Variants in SAMD8 observed in about 807,000 individuals in gnomAD.
SAMD8 encodes the protein sphingomyelin synthase-related protein 1.
In SAMD8, 20 loss-of-function variants were observed where a neutral mutation model predicts 42.0. The observed-to-expected ratio is 0.48, with a 90% CI of 0.34 to 0.69. The LOEUF (loss-of-function observed/expected upper bound fraction) is 0.69, where lower values mean the gene tolerates loss of function less well. Among genes scored for constraint, SAMD8 ranks in the 30% least tolerant of loss-of-function variants. The probability of loss-of-function intolerance (pLI) is 0.01; values close to 1 mark genes in which losing one functional copy is unlikely to be tolerated. For missense variants in SAMD8, 328 were observed against 511.6 expected (o/e 0.64, Z 3.46); for synonymous variants, 162 against 173.0 (o/e 0.94, Z 0.50).
intron 1 of SAMD8, among the ~76,000 whole-genome samples, chr10:75,115,706 C>T (rs368941511): frequency 2.8e-4 from 42 of 151,920 alleles, no homozygotes; most frequent in East Asian, 1.5e-3. Flanking sequence ...TTTGGGAGGC[C>T]GAGGCGGGCG....
chr10:75,120,394 C>T (rs1037194673), intron 1 of SAMD8, among the ~76,000 whole-genome samples: 2 of 152,120 alleles, frequency 1.3e-5, no homozygotes, highest in Non-Finnish European at 2.9e-5. Context: ...GCCTCAGCCT[C>T]CCGTAGCTGG....
intron 1 of SAMD8, among the ~76,000 whole-genome samples, chr10:75,117,957 G>A (rs1427193754): frequency 1.3e-5 from 2 of 152,166 alleles, no homozygotes; most frequent in African/African-American, 4.8e-5. Context: ...ACTCATTGAG[G>A]GGAGACAGTT....
At chr10:75,109,173 C>A, upstream of SAMD8, 1 of 1,557,668 alleles carries the variant, frequency 6.4e-7, no homozygotes, top group Non-Finnish European at 8.7e-7. Flanking sequence ...AGCCCGCCCA[C>A]CCCTCTGCCT....
intron 1 of SAMD8, among the ~76,000 whole-genome samples, chr10:75,117,790 T>C (rs1405091631): frequency 3.3e-5 from 5 of 152,324 alleles, no homozygotes. Context: ...GAATAAAAAT[T>C]AGAATTTTAG....
upstream of SAMD8, chr10:75,109,103 G>C (rs1396774708): frequency 1.2e-6 from 2 of 1,611,908 alleles, no homozygotes. Context: ...AGGATGCTGG[G>C]GCAAGGCGTG....
At chr10:75,136,147 G>C (rs1408292262) in intron 1 of SAMD8, among the ~76,000 whole-genome samples, 1 of 151,592 alleles carries the variant, frequency 6.6e-6, no homozygotes, top group South Asian at 2.1e-4. Context: ...TTGTAGTATG[G>C]TACTTGTCTG....
At chr10:75,131,589 G>T (rs1401924029) in intron 1 of SAMD8, among the ~76,000 whole-genome samples, 1 of 151,948 alleles carries the variant, frequency 6.6e-6, no homozygotes, top group Non-Finnish European at 1.5e-5. Flanking sequence ...AAAAATAACT[G>T]ATCAAATTTA....
rs182259352 is a variant in SAMD8, at chr10:75,114,126, A to G, written c.-16+2404A>G. On this transcript the variant is annotated intron_variant, in intron 1 of 5. Coordinates refer to ENST00000542569, the MANE Select transcript of SAMD8 (RefSeq NM_001174156.2). ...CGAAGCAGGCAGATCACTTGAGGTC[A>G]GGAGTTCAAGACCAGCTTGGCCAAC... is the stretch of plus-strand genomic sequence containing the variant. 6.3e-3 allele frequency among the ~76,000 whole-genome samples: 964 copies of G among 152,292 alleles called. 6 individuals carry two copies. Among genetic ancestry groups the G allele is most frequent in the Non-Finnish European group, 9.2e-3 (626 of 68,022 alleles).
chr10:75,104,063 T>G, intron 1 of SAMD8: 1 of 1,360,946 alleles, frequency 7.3e-7, no homozygotes, highest in Non-Finnish European at 9.8e-7. Flanking sequence ...GGTGGCAAAG[T>G]GGCAGAGCCC....
intron 1 of SAMD8, among the ~76,000 whole-genome samples, chr10:75,106,301 C>T (rs984150423): frequency 6.6e-6 from 1 of 151,860 alleles, no homozygotes; most frequent in Non-Finnish European, 1.5e-5. Flanking sequence ...GATTGTCCCT[C>T]CCCCACCTTC....
chr10:75,104,284 CAG>C (rs1248224768), intron 1 of SAMD8, among the ~76,000 whole-genome samples: 4 of 152,182 alleles, frequency 2.6e-5, no homozygotes, highest in Non-Finnish European at 1.5e-5. Context: ...GGCTTAGGGA[CAG>C]AGATGACCTC....
At chr10:75,134,685 G>A (rs1321455931) in intron 1 of SAMD8, among the ~76,000 whole-genome samples, 1 of 152,036 alleles carries the variant, frequency 6.6e-6, no homozygotes, top group East Asian at 1.9e-4. Context: ...GTTTTCTGTT[G>A]TACAGTAGGG....
intron 1 of SAMD8, among the ~76,000 whole-genome samples, chr10:75,121,196 CAGAT>C (rs1310508827): frequency 6.6e-6 from 1 of 152,184 alleles, no homozygotes; most frequent in Non-Finnish European, 1.5e-5. Flanking sequence ...CCTCATTTTA[CAGAT>C]AAAGACAGTG....
intron 2 of SAMD8, among the ~76,000 whole-genome samples, chr10:75,154,014 C>T (rs751686409): frequency 5.3e-4 from 80 of 152,306 alleles, no homozygotes; most frequent in Middle Eastern, 3.4e-3. Context: ...GATCCACCCA[C>T]CTGGGCCTCC....
chr10:75,162,324 A>G (rs1840575519), intron 2 of SAMD8, among the ~76,000 whole-genome samples: 1 of 152,080 alleles, frequency 6.6e-6, no homozygotes, highest in Non-Finnish European at 1.5e-5. Context: ...GCATCATTGC[A>G]CTCCAGCCTG....
intron 1 of SAMD8, among the ~76,000 whole-genome samples, chr10:75,126,499 CTTT>C (rs779589994): frequency 1.7e-5 from 2 of 115,548 alleles, no homozygotes; most frequent in Non-Finnish European, 1.8e-5. Flanking sequence ...AGTGCTTTTG[CTTT>C]TTTTTTTTTT....
chr10:75,164,557 G>A, intron 2 of SAMD8, 88 bp from the exon 3 acceptor site: 1 of 1,527,612 alleles, frequency 6.5e-7, no homozygotes, highest in Non-Finnish European at 8.8e-7. Flanking sequence ...CAATTTTAAG[G>A]TCATTATTAA....
intron 4 of SAMD8, 94 bp downstream of exon 4, chr10:75,168,752 G>T: frequency 3.9e-6 from 3 of 764,420 alleles, no homozygotes; most frequent in Non-Finnish European, 6.9e-6. Context: ...GTATTAAAAT[G>T]TGCTTTTTAG....
intron 1 of SAMD8, among the ~76,000 whole-genome samples, chr10:75,115,413 C>G (rs921102925): frequency 6.6e-6 from 1 of 152,140 alleles, no homozygotes; most frequent in Non-Finnish European, 1.5e-5. Context: ...GGGCCAGGCA[C>G]ACTGGGAAAA....
Sources: gnomAD v4.1 joint callset for allele counts (sites outside exome capture counted in the v4.1 genomes callset) on GRCh38, gnomAD v4.1.1 for gene constraint, MANE v1.5 for transcripts, NCBI Gene and HGNC (gene_info 2026-07-23, HGNC 2026-07-21) for gene names.